The following CERT1 variants were observed in gnomAD, a reference collection of about 807,000 sequenced individuals.
The protein encoded by CERT1 is ceramide transporter 1.
CERT1 carries 31 observed loss-of-function variants against 87.9 expected under a neutral mutation model. The ratio of observed to expected loss-of-function variants is 0.35; its 90% CI spans 0.27 to 0.48. The LOEUF is 0.48. Ranked by LOEUF, CERT1 falls within the 20% of genes least tolerant of loss-of-function variation. CERT1 has a pLI of 0.99. For missense variants in CERT1, 487 were observed against 758.0 expected (o/e 0.64, Z 4.20); for synonymous variants, 289 against 250.9 (o/e 1.15, Z -1.44).
chr5:75,441,849 G>A (rs2112247045), intron 3 of CERT1, among the ~76,000 whole-genome samples: 1 of 152,264 alleles, frequency 6.6e-6, no homozygotes, highest in Non-Finnish European at 1.5e-5. Context: ...TTTTGTGATT[G>A]TGAATCATAC....
intron 2 of CERT1, among the ~76,000 whole-genome samples, chr5:75,480,588 C>T (rs1022229596): frequency 5.9e-5 from 9 of 152,126 alleles, no homozygotes; most frequent in Admixed American, 2.6e-4. Flanking sequence ...CCAACTGGGC[C>T]CTCTTCCCTG....
intron 2 of CERT1, among the ~76,000 whole-genome samples, chr5:75,461,727 T>G (rs1765240547): frequency 3.3e-5 from 5 of 151,600 alleles, no homozygotes; most frequent in Admixed American, 3.3e-4. Flanking sequence ...CCATCTATGA[T>G]CTGGAGCATA....
chr5:75,491,101 A>T (rs539197846), intron 2 of CERT1, among the ~76,000 whole-genome samples: 1 of 152,052 alleles, frequency 6.6e-6, no homozygotes, highest in Non-Finnish European at 1.5e-5. Flanking sequence ...ATTTTTCCCT[A>T]ATTTTATAAA....
intron 2 of CERT1, among the ~76,000 whole-genome samples, chr5:75,467,420 T>C (rs761592026): frequency 1.1e-4 from 16 of 152,058 alleles, no homozygotes; most frequent in East Asian, 3.9e-4. Context: ...GGTGGGCAGA[T>C]AGCTTGAGCT....
chr5:75,386,650 G>T (rs1037079079), intron 12 of CERT1, among the ~76,000 whole-genome samples: 6 of 152,120 alleles, frequency 3.9e-5, no homozygotes, highest in Admixed American at 2.0e-4. Context: ...ATGTCATCAT[G>T]GGGGAGAACC....
intron 3 of CERT1, among the ~76,000 whole-genome samples, chr5:75,451,280 C>A (rs1190775796): frequency 3.9e-5 from 6 of 152,110 alleles, no homozygotes; most frequent in Non-Finnish European, 8.8e-5. Context: ...CTGAAACATC[C>A]AGAGACAACA....
chr5:75,441,412 T>C (rs1764317164), intron 3 of CERT1, among the ~76,000 whole-genome samples: 1 of 152,232 alleles, frequency 6.6e-6, no homozygotes, highest in Non-Finnish European at 1.5e-5. Context: ...ACGTGGGTAT[T>C]TGTTATAAGG....
chr5:75,458,279 A>C (rs1375218265), intron 3 of CERT1, among the ~76,000 whole-genome samples: 1 of 152,162 alleles, frequency 6.6e-6, no homozygotes, highest in Non-Finnish European at 1.5e-5. Flanking sequence ...TTATATAAAA[A>C]AGACTTTCTA....
At chr5:75,424,788 A>G (rs1185947611) in intron 5 of CERT1, among the ~76,000 whole-genome samples, 1 of 152,124 alleles carries the variant, frequency 6.6e-6, no homozygotes, top group Non-Finnish European at 1.5e-5. Context: ...AAGATAATAG[A>G]TATCATTTTT....
At chr5:75,472,861 G>A (rs1213270287) in intron 2 of CERT1, among the ~76,000 whole-genome samples, 2 of 151,760 alleles carry the variant, frequency 1.3e-5, no homozygotes, top group Non-Finnish European at 2.9e-5. Context: ...GAGGTTCCTC[G>A]AAAAATTAAA....
intron 8 of CERT1, among the ~76,000 whole-genome samples, chr5:75,407,720 A>T (rs780100635): frequency 1.3e-5 from 2 of 152,168 alleles, no homozygotes; most frequent in Non-Finnish European, 2.9e-5. Context: ...CAACCATTTC[A>T]GTACTGACTG....
chr5:75,498,930 G>A (rs946622695), intron 2 of CERT1, among the ~76,000 whole-genome samples: 15 of 152,226 alleles, frequency 9.9e-5, no homozygotes, highest in South Asian at 2.1e-4. Context: ...GCAGCCAGGA[G>A]GGGGGCTTGT....
chr5:75,413,139 A>T (rs1484192128), intron 7 of CERT1, among the ~76,000 whole-genome samples: 1 of 152,170 alleles, frequency 6.6e-6, no homozygotes, highest in Non-Finnish European at 1.5e-5. Context: ...GACAACACAC[A>T]CATTAGCCTA....
In CERT1 at chr5:75,395,828, T is replaced by G. The variant is rs552757551; in HGVS notation, c.1188+3482A>C. On this transcript the variant is annotated intron_variant, in intron 11 of 16. Transcript: ENST00000643780. ...TCGTGCCACTGCACTACAGCCTGGG[T>G]GACAGAATGAGACTCTGTCTCAAAA... Among the ~76,000 whole-genome samples, 111 of 152,054 alleles carry G rather than the reference T, an allele frequency of 7.3e-4. 1 individual carries two copies. Among genetic ancestry groups the G allele is most frequent in the African/African-American group, 2.6e-3 (109 of 41,460 alleles).
At position 75,379,780 on chromosome 5, in the gene CERT1, T is replaced by C. The variant is rs557925043; in HGVS notation, c.1748-307A>G. On this transcript the variant is annotated intron_variant, in intron 16 of 16. Coordinates refer to ENST00000643780, the MANE Select transcript of CERT1 (RefSeq NM_001379029.1). ...TTGTATTTTTAGTAGAGATGGGTTT[T>C]CACCATGTTGGCTAGGATGGTCTCG... 7.4e-4 allele frequency among the ~76,000 whole-genome samples: 112 copies of C among 152,238 alleles called. 1 individual carries two copies. The highest frequency in any genetic ancestry group is 2.6e-3 in the African/African-American group (110 of 41,526).
intron 2 of CERT1, among the ~76,000 whole-genome samples, chr5:75,481,812 C>A (rs1349424451): frequency 1.3e-5 from 2 of 152,082 alleles, no homozygotes; most frequent in African/African-American, 4.8e-5. Flanking sequence ...CTCTCGAAGG[C>A]ACGGACACTG....
At chr5:75,456,763 T>G (rs574473840) in intron 3 of CERT1, among the ~76,000 whole-genome samples, 1 of 152,096 alleles carries the variant, frequency 6.6e-6, no homozygotes, top group East Asian at 1.9e-4. Flanking sequence ...CACTCAAAAT[T>G]TGTTATCTCA....
At chr5:75,485,991 A>G (rs1457331665) in intron 2 of CERT1, among the ~76,000 whole-genome samples, 3 of 152,058 alleles carry the variant, frequency 2.0e-5, no homozygotes, top group Non-Finnish European at 4.4e-5. Context: ...AGATACTTCC[A>G]AACTCATTCT....
chr5:75,486,859 C>T (rs951669750), intron 2 of CERT1, among the ~76,000 whole-genome samples: 5 of 152,214 alleles, frequency 3.3e-5, no homozygotes, highest in Middle Eastern at 3.4e-3. Context: ...AAAGATATCA[C>T]ATATTCATGG....
Sources: gnomAD v4.1 joint callset for allele counts (sites outside exome capture counted in the v4.1 genomes callset) on GRCh38, gnomAD v4.1.1 for gene constraint, MANE v1.5 for transcripts, NCBI Gene and HGNC (gene_info 2026-07-23, HGNC 2026-07-21) for gene names.